The following USP20 variants were observed in gnomAD, a reference collection of about 807,000 sequenced individuals.
The protein encoded by USP20 is ubiquitin carboxyl-terminal hydrolase 20.
Under a neutral mutation model 124.2 loss-of-function variants are expected in USP20, and 80 were observed. The observed-to-expected ratio is 0.64, with a 90% CI of 0.54 to 0.78. The LOEUF is 0.78. USP20 is among the 30% of genes least tolerant of loss of function. The pLI is 0.00. For missense variants in USP20, 1,043 were observed against 1,244.4 expected (o/e 0.84, Z 2.44); for synonymous variants, 481 against 512.3 (o/e 0.94, Z 0.83).
chr9:129,838,672 C>T (rs990137971), intron 1 of USP20, among the ~76,000 whole-genome samples: 3 of 152,172 alleles, frequency 2.0e-5, no homozygotes, highest in African/African-American at 7.2e-5. Context: ...GATCTGATTT[C>T]AGGCCCCAGA....
At position 129,878,417 on chromosome 9, in the gene USP20, C is replaced by T. The variant is rs377374790; in HGVS notation, c.2489C>T (p.Ala830Val). Residue 830 changes from alanine to valine, a missense_variant, in exon 23 of 26, where the codon GCG becomes GTG. By Grantham distance (64) the Ala-to-Val change is moderately conservative. Transcript: ENST00000372429. Reference protein sequence around the residue: ...ISMQWFREWEAFVKGKDNEPP... With the variant: ...ISMQWFREWEVFVKGKDNEPP... ...ATGCAGTGGTTCCGGGAGTGGGAGG[C>T]GTTCGTCAAGGGGAAGGACAACGGT... 5.5e-5 allele frequency: 89 copies of T among 1,609,144 alleles called. 1 individual carries two copies. The Middle Eastern group carries it at 1.0e-3, about 18-fold the overall frequency.
chr9:129,876,054 A>T, intron 21 of USP20, 76 bp from the exon 22 acceptor site: 1 of 1,285,896 alleles, frequency 7.8e-7, no homozygotes, highest in South Asian at 1.4e-5. Context: ...TTGAGGGGGA[A>T]GTGGAAGGCA....
rs1415221075 is a variant in USP20, at chr9:129,880,190, A to C, written c.2662A>C (p.Ile888Leu). 1 of 1,613,810 alleles carries C rather than the reference A, an allele frequency of 6.2e-7. No individual in the cohort carries two copies. Residue 888 changes from isoleucine (I) to leucine (L), a missense_variant, in exon 25 of 26, where the codon ATC becomes CTC. Transcript: ENST00000372429. The stretch of plus-strand genomic sequence containing the variant: ...GTATGGAGGTGGCCCCGAGATTGCC[A>C]TCCGCCAGAGTGTGGCGCAGCCGCT... ...SLYGGGPEIA[I>L]RQSVAQPLGP...
At position 129,870,135 on chromosome 9, in the gene USP20, G is replaced by C. The variant is rs1294326362; in HGVS notation, c.1565+291G>C. Reference sequence around the variant, plus strand: ...GCAGCAGGACACAGGCCTGGTTGGCGGGAAGGGCAGCAGCTTTCCCAGGGC... The same window carrying C: ...GCAGCAGGACACAGGCCTGGTTGGCCGGAAGGGCAGCAGCTTTCCCAGGGC... On this transcript the variant is annotated intron_variant, in intron 14 of 25. Coordinates refer to ENST00000372429, the MANE Select transcript of USP20 (RefSeq NM_001110303.4). 10 of 563,932 alleles carry C rather than the reference G, an allele frequency of 1.8e-5. No homozygotes were observed. In the South Asian group the frequency reaches 2.0e-4, roughly 11 times the overall value. The allele number at this position is 563,932 out of a possible 1,614,324, so 34.9% of individuals were successfully genotyped here.
In USP20 at chr9:129,858,615, GCT is replaced by G; in HGVS notation, c.330+20_330+21del. On this transcript the variant is annotated intron_variant, in intron 6 of 25. Transcript: ENST00000372429. ...TCTGAACAGGTAACCTGTGTGGTGG[GCT>G]CTGTTTGGTTGTTGGTGACACTGTG... The G allele has an allele frequency of 6.2e-7, 1 of 1,610,724 alleles. No homozygotes were observed. The highest frequency in any genetic ancestry group is 8.5e-7 in the Non-Finnish European group (1 of 1,178,810).
Position 129,868,047 on chromosome 9 carries a change from G to C in USP20, c.733G>C (p.Glu245Gln), listed in dbSNP as rs753209884. Residue 245 changes from glutamate (E) to glutamine (Q), a missense_variant, in exon 11 of 26, where the codon GAG becomes CAG. Physicochemically the swap from Glu to Gln is conservative, Grantham distance 29. Transcript: ENST00000372429. Reference protein sequence around the residue: ...FLRCLMDQLHEELKEPVVATV... With the variant: ...FLRCLMDQLHQELKEPVVATV... ...TCGCTGCCTGATGGACCAGCTGCAC[G>C]AGGAGCTCAAGGAGCCGGTGGTGGC... 6.2e-7 allele frequency: 1 copy of C among 1,614,102 alleles called. No individual in the cohort carries two copies. Among genetic ancestry groups the C allele is most frequent in the South Asian group, 1.1e-5 (1 of 91,088 alleles).
chr9:129,856,275 C>G, intron 3 of USP20, 32 bp from the exon 4 acceptor site: 1 of 1,611,344 alleles, frequency 6.2e-7, no homozygotes, highest in Non-Finnish European at 8.5e-7. Context: ...CTCCTCATGC[C>G]TGCTCTTTTT....
At chr9:129,835,866 G>A (rs1156813221) in intron 1 of USP20, 1 of 152,288 alleles carries the variant, frequency 6.6e-6, no homozygotes, top group East Asian at 1.9e-4. Flanking sequence ...GCCCTGACGT[G>A]CGTTTTTTTC....
At chr9:129,872,620 T>C (rs555728818) in intron 15 of USP20, among the ~76,000 whole-genome samples, 224 of 152,328 alleles carry the variant, frequency 1.5e-3, no homozygotes, top group African/African-American at 5.0e-3. Context: ...ATGAAACTTT[T>C]TTCCTACTTT....
intron 23 of USP20, among the ~76,000 whole-genome samples, chr9:129,878,651 C>G (rs1400390964): frequency 2.0e-5 from 3 of 152,230 alleles, no homozygotes; most frequent in Non-Finnish European, 2.9e-5. Context: ...TGCTCCTGCT[C>G]TGCGCCCCCT....
intron 1 of USP20, among the ~76,000 whole-genome samples, chr9:129,837,727 T>G (rs997490902): frequency 7.9e-5 from 12 of 152,146 alleles, no homozygotes; most frequent in Admixed American, 7.2e-4. Context: ...CAAGGTTGAG[T>G]TGCAAATTAA....
At chr9:129,840,126 A>G (rs2032114976) in intron 1 of USP20, among the ~76,000 whole-genome samples, 1 of 151,664 alleles carries the variant, frequency 6.6e-6, no homozygotes, top group Non-Finnish European at 1.5e-5. Flanking sequence ...GACTTGTTGT[A>G]CAGTAGGTCC....
intron 23 of USP20, among the ~76,000 whole-genome samples, chr9:129,878,987 TTGGTGTGGAGCATGAGCACCC>T (rs2034526051): frequency 6.6e-6 from 1 of 152,244 alleles, no homozygotes; most frequent in African/African-American, 2.4e-5. Flanking sequence ...CACGGGACCC[TTGGTGTGGAGCATGAGCACCC>T]ACCTGTGCTT....
chr9:129,865,874 G>A (rs749744182), intron 10 of USP20, among the ~76,000 whole-genome samples: 5 of 152,164 alleles, frequency 3.3e-5, no homozygotes, highest in African/African-American at 1.2e-4. Flanking sequence ...GGGCCTCCGC[G>A]TTGCACCCAA....
At chr9:129,844,451 C>T (rs1416285134) in intron 1 of USP20, among the ~76,000 whole-genome samples, 2 of 151,486 alleles carry the variant, frequency 1.3e-5, no homozygotes, top group East Asian at 1.9e-4. Context: ...CATGACGAAA[C>T]CCCATATCTA....
Position 129,860,859 on chromosome 9 carries a change from C to T in USP20, c.331-78C>T, listed in dbSNP as rs1003261421. The T allele has an allele frequency of 2.0e-6, 3 of 1,474,080 alleles. No individual in the cohort carries two copies. The African/African-American group carries it at 4.2e-5, about 21-fold the overall frequency. The allele number at this position is 1,474,080 out of a possible 1,614,324, so 91.3% of individuals were successfully genotyped here. On this transcript the variant is annotated intron_variant, in intron 6 of 25. Transcript: ENST00000372429. ...CTTCCGGGCAGTAGGGCTGGACTTC[C>T]AGCCCTTGGGAGACACCTGGGCCTC...
chr9:129,856,345 A>G lies in USP20; in HGVS notation c.120A>G (p.Leu40=), dbSNP rs1286706663. ...CQSCGVTGPN[L]WACLQVACPY... ...CGTGTGGGGTCACCGGACCAAACCTATGGGCCTGTCTGCAGGTAAAAGACC... is the reference window on the plus strand; with the variant it reads ...CGTGTGGGGTCACCGGACCAAACCTGTGGGCCTGTCTGCAGGTAAAAGACC... The change falls in exon 4 of 26, where the codon CTA becomes CTG. Residue 40 remains leucine, a synonymous_variant. Coordinates refer to ENST00000372429, the MANE Select transcript of USP20 (RefSeq NM_001110303.4). 5.0e-6 allele frequency: 8 copies of G among 1,614,112 alleles called. No individual in the cohort carries two copies. The highest frequency in any genetic ancestry group is 1.1e-5 in the South Asian group (1 of 91,084).
At chr9:129,856,275 C>T in intron 3 of USP20, 32 bp from the exon 4 acceptor site, 1 of 1,611,344 alleles carries the variant, frequency 6.2e-7, no homozygotes, top group Admixed American at 1.7e-5. Context: ...CTCCTCATGC[C>T]TGCTCTTTTT....
chr9:129,856,625 C>T (rs1588259110), intron 4 of USP20, among the ~76,000 whole-genome samples: 1 of 152,340 alleles, frequency 6.6e-6, no homozygotes, highest in East Asian at 1.9e-4. Context: ...CTTCATAGGA[C>T]AGTATTCTAG....
Sources: allele counts gnomAD v4.1 joint callset (sites outside exome capture counted in the v4.1 genomes callset), GRCh38; gene constraint gnomAD v4.1.1; transcripts MANE v1.5; gene names NCBI Gene and HGNC (gene_info 2026-07-23, HGNC 2026-07-21).